The following RARRES1 variants were observed in gnomAD, a reference collection of about 807,000 sequenced individuals.
RARRES1 encodes retinoic acid receptor responder protein 1.
In RARRES1, 34 loss-of-function variants were observed where a neutral mutation model predicts 30.6. The ratio of observed to expected loss-of-function variants is 1.11; its 90% CI spans 0.84 to 1.48. The LOEUF (loss-of-function observed/expected upper bound fraction) is 1.48, where lower values mean the gene tolerates loss of function less well. Among genes scored for constraint, RARRES1 ranks in the 40% most tolerant of loss-of-function variants. RARRES1 has a pLI of 0.00. For synonymous variants in RARRES1, 153 were observed against 155.5 expected (o/e 0.98, Z 0.12); for missense variants, 373 against 386.5 (o/e 0.97, Z 0.29).
intron 1 of RARRES1, among the ~76,000 whole-genome samples, chr3:158,720,706 C>A (rs1001717063): frequency 6.2e-4 from 95 of 152,270 alleles, no homozygotes; most frequent in African/African-American, 2.3e-3. Context: ...GCAATCATAG[C>A]TCACTGCAGC....
chr3:158,705,456 T>G (rs75610709), intron 3 of RARRES1, among the ~76,000 whole-genome samples: 2 of 152,034 alleles, frequency 1.3e-5, no homozygotes, highest in African/African-American at 4.8e-5. Context: ...TTTTTTTTTT[T>G]AAGAGACAGG....
At chr3:158,710,159 G>T (rs12629956) in intron 3 of RARRES1, among the ~76,000 whole-genome samples, 47,724 of 151,640 alleles carry the variant, frequency 0.31, 7,569 homozygotes, top group South Asian at 0.43. Flanking sequence ...TCTTACCTGG[G>T]GGTTCAGTTC....
intron 1 of RARRES1, among the ~76,000 whole-genome samples, chr3:158,718,015 G>C (rs1203025568): frequency 7.0e-6 from 1 of 143,078 alleles, no homozygotes; most frequent in Admixed American, 7.2e-5. Context: ...GTCTTGCTCT[G>C]TCGCCCAGGC....
In RARRES1 at chr3:158,704,793, A is replaced by G; in HGVS notation, c.670T>C (p.Trp224Arg). The G allele has an allele frequency of 1.2e-6, 2 of 1,610,778 alleles. No individual in the cohort carries two copies. The highest frequency in any genetic ancestry group is 1.7e-6 in the Non-Finnish European group (2 of 1,178,994). The change falls in exon 4 of 6, where the codon TGG becomes CGG. Residue 224 changes from tryptophan (W) to arginine (R), a missense_variant and splice_region_variant. Physicochemically the swap from Trp to Arg is moderately radical, Grantham distance 101. Coordinates refer to ENST00000237696, the MANE Select transcript of RARRES1 (RefSeq NM_206963.2). ...YLAQLTSVRQ[W>R]KTNDDTIDFD... ...GTTAATTTTCAGGTTTTTCTTACCC[A>G]CTGCCTCACACTAGTGAGCTGTGCC...
intron 1 of RARRES1, among the ~76,000 whole-genome samples, chr3:158,730,059 T>C (rs1025270217): frequency 3.9e-5 from 6 of 152,000 alleles, no homozygotes; most frequent in African/African-American, 1.4e-4. Flanking sequence ...CGGTGGCTCA[T>C]GCCTGTAATC....
chr3:158,715,863 C>T (rs1001965465), intron 1 of RARRES1, among the ~76,000 whole-genome samples: 9 of 152,172 alleles, frequency 5.9e-5, no homozygotes, highest in African/African-American at 2.2e-4. Flanking sequence ...GTTCAGCATC[C>T]TTAGTACCTG....
chr3:158,707,370 G>GA (rs1332863512), intron 3 of RARRES1, among the ~76,000 whole-genome samples: 1 of 152,110 alleles, frequency 6.6e-6, no homozygotes, highest in Non-Finnish European at 1.5e-5. Flanking sequence ...ATGGGTCTAT[G>GA]AAGAAACTGG....
chr3:158,724,386 T>C (rs529918089), intron 1 of RARRES1, among the ~76,000 whole-genome samples: 12 of 152,300 alleles, frequency 7.9e-5, no homozygotes, highest in Admixed American at 7.8e-4. Context: ...GATCTTGAGA[T>C]GGGATTATCC....
In RARRES1 at chr3:158,704,559, CT is replaced by C. The variant is rs1453131259; in HGVS notation, c.672+231del. 6 of 496,216 alleles carry C rather than the reference CT, an allele frequency of 1.2e-5. No individual in the cohort carries two copies. In the East Asian group the frequency reaches 2.1e-4, roughly 18 times the overall value. 30.7% of individuals were successfully genotyped at this position (496,216 alleles called of 1,614,324 possible). A position where few individuals can be genotyped will look rare whatever the true frequency, so the allele number is the denominator to read the frequency against. The stretch of plus-strand genomic sequence containing the variant: ...TTATTAGCTCACTGTCTCTTTTTAT[CT>C]TCTCTCACTAGAATTAATCTCAATG... On this transcript the variant is annotated intron_variant, in intron 4 of 5. Coordinates refer to ENST00000237696, the MANE Select transcript of RARRES1 (RefSeq NM_206963.2).
intron 1 of RARRES1, among the ~76,000 whole-genome samples, chr3:158,716,237 T>C (rs1400595501): frequency 6.6e-6 from 1 of 152,172 alleles, no homozygotes; most frequent in East Asian, 1.9e-4. Context: ...CGGAAAATGC[T>C]GAGGGTTATA....
chr3:158,716,014 C>A (rs770533589), intron 1 of RARRES1, among the ~76,000 whole-genome samples: 2 of 152,230 alleles, frequency 1.3e-5, no homozygotes, highest in Non-Finnish European at 2.9e-5. Context: ...CGCTGCACCC[C>A]GCACCTGCTA....
intron 1 of RARRES1, among the ~76,000 whole-genome samples, chr3:158,720,375 A>G (rs2108148452): frequency 6.7e-6 from 1 of 148,800 alleles, no homozygotes; most frequent in African/African-American, 2.6e-5. Context: ...TCTGGAAGGG[A>G]GACTGCCAGG....
chr3:158,704,994 AAATGAAATAGGGTTT>A, intron 3 of RARRES1, 67 bp from the exon 4 acceptor site: 1 of 1,565,636 alleles, frequency 6.4e-7, no homozygotes. Context: ...GAAGTTGCAG[AAATGAAATAGGGTTT>A]AAACTTAGTC....
intron 3 of RARRES1, among the ~76,000 whole-genome samples, chr3:158,710,293 C>T (rs1194389081): frequency 5.9e-5 from 9 of 151,736 alleles, no homozygotes; most frequent in Non-Finnish European, 1.2e-4. Context: ...CTGCAACCTC[C>T]GCCTCCCAGG....
At chr3:158,701,832 G>T (rs1448507240) in intron 4 of RARRES1, among the ~76,000 whole-genome samples, 1 of 152,056 alleles carries the variant, frequency 6.6e-6, no homozygotes, top group Non-Finnish European at 1.5e-5. Flanking sequence ...AATTGCTCCA[G>T]GGATTTAAAT....
At chr3:158,711,501 C>T (rs1727133473) in intron 2 of RARRES1, among the ~76,000 whole-genome samples, 1 of 152,050 alleles carries the variant, frequency 6.6e-6, no homozygotes, top group Non-Finnish European at 1.5e-5. Context: ...CTTCATCTCT[C>T]TATGCCAAGA....
At chr3:158,704,039 G>C (rs185431442) in intron 4 of RARRES1, among the ~76,000 whole-genome samples, 1 of 151,862 alleles carries the variant, frequency 6.6e-6, no homozygotes, top group Non-Finnish European at 1.5e-5. Context: ...TGTCCTTCTA[G>C]TTAATCATAC....
Position 158,714,916 on chromosome 3 carries a change from A to G in RARRES1, c.277-1057T>C, listed in dbSNP as rs143278597. 3.6e-3 allele frequency among the ~76,000 whole-genome samples: 545 copies of G among 152,354 alleles called. 1 individual carries two copies. The highest frequency in any genetic ancestry group is 0.012 in the African/African-American group (496 of 41,582). On this transcript the variant is annotated intron_variant, in intron 1 of 5. Transcript: ENST00000237696. The stretch of plus-strand genomic sequence containing the variant: ...TTTTATTTTAAATAGACCAGATAGC[A>G]TCCATTCCTATTATAGATTCTTAAA...
chr3:158,732,323 G>A lies in RARRES1; in HGVS notation c.93C>T (p.Leu31=). ...TAPLLALLLL[L]APVAAPAGSG... ...ACCCCGCGGGCGCCGCCACCGGGGC[G>A]AGCAACAGCAGCAGCGCGAGCAGCG... The change falls in exon 1 of 6, where the codon CTC becomes CTT. Residue 31 remains leucine (L), a synonymous_variant. Coordinates refer to ENST00000237696, the MANE Select transcript of RARRES1 (RefSeq NM_206963.2). The A allele has an allele frequency of 4.4e-6, 6 of 1,365,784 alleles. No homozygotes were observed. The highest frequency in any genetic ancestry group is 5.6e-6 in the Non-Finnish European group (6 of 1,069,342). 84.6% of individuals were successfully genotyped at this position (1,365,784 alleles called of 1,614,324 possible).
Sources: allele counts gnomAD v4.1 joint callset (sites outside exome capture counted in the v4.1 genomes callset), GRCh38; gene constraint gnomAD v4.1.1; transcripts MANE v1.5; gene names NCBI Gene and HGNC (gene_info 2026-07-23, HGNC 2026-07-21).